MACROD2: variants seen among roughly 807,000 people sequenced by gnomAD.
MACROD2 encodes ADP-ribose glycohydrolase MACROD2.
Under a neutral mutation model 70.4 loss-of-function variants are expected in MACROD2, and 36 were observed. The ratio of observed to expected loss-of-function variants is 0.51; its 90% CI spans 0.39 to 0.68. The LOEUF is 0.68. Ranked by LOEUF, MACROD2 falls within the 30% of genes least tolerant of loss-of-function variation. The probability of loss-of-function intolerance (pLI) is 0.00; values close to 1 mark genes in which losing one functional copy is unlikely to be tolerated. For missense variants in MACROD2, 496 were observed against 538.4 expected (o/e 0.92, Z 0.78); for synonymous variants, 172 against 178.8 (o/e 0.96, Z 0.30).
intron 5 of MACROD2, chr20:14,905,864 C>T (rs1005110323): frequency 6.6e-6 from 1 of 152,208 alleles, no homozygotes; most frequent in Non-Finnish European, 1.5e-5. Flanking sequence ...ACTCCATCAG[C>T]TATGGTGAGA....
At chr20:14,121,037 A>T (rs1489231797) in intron 3 of MACROD2, among the ~76,000 whole-genome samples, 1 of 152,036 alleles carries the variant, frequency 6.6e-6, no homozygotes, top group Admixed American at 6.6e-5. Context: ...GAAGGAAAAA[A>T]CAGTATTTTT....
intron 6 of MACROD2, among the ~76,000 whole-genome samples, chr20:15,323,930 C>T (rs1160059708): frequency 3.3e-5 from 5 of 152,066 alleles, no homozygotes; most frequent in Non-Finnish European, 5.9e-5. Context: ...TCCAGTTCAT[C>T]CCCTTGACTT....
intron 15 of MACROD2, among the ~76,000 whole-genome samples, chr20:15,988,421 GCT>G (rs2066515629): frequency 6.6e-6 from 1 of 152,056 alleles, no homozygotes; most frequent in Non-Finnish European, 1.5e-5. Context: ...GAAATTGTTG[GCT>G]CTGTTTATTG....
At chr20:15,310,614 G>A (rs1046587461) in intron 6 of MACROD2, among the ~76,000 whole-genome samples, 1 of 152,118 alleles carries the variant, frequency 6.6e-6, no homozygotes, top group African/African-American at 2.4e-5. Flanking sequence ...AGGAAGTGAG[G>A]ATTGAGAAAA....
At chr20:14,318,035 TAGCCTTTTCTGGGTATATTC>T (rs1383855849) in intron 3 of MACROD2, among the ~76,000 whole-genome samples, 8 of 152,340 alleles carry the variant, frequency 5.3e-5, no homozygotes, top group African/African-American at 1.7e-4. Flanking sequence ...TTGTTTAATC[TAGCCTTTTCTGGGTATATTC>T]ATTAACATTG....
chr20:15,623,881 A>G (rs1056780105), intron 8 of MACROD2, among the ~76,000 whole-genome samples: 4 of 152,192 alleles, frequency 2.6e-5, no homozygotes, highest in African/African-American at 7.2e-5. Context: ...AAGGAGATGT[A>G]TTAGTCAGGG....
chr20:15,624,901 C>G (rs1047490318), intron 8 of MACROD2, among the ~76,000 whole-genome samples: 1 of 152,186 alleles, frequency 6.6e-6, no homozygotes, highest in African/African-American at 2.4e-5. Context: ...CTACACACCA[C>G]TATTTAGTTC....
At chr20:15,087,131 TTATC>T (rs1442276194) in intron 5 of MACROD2, among the ~76,000 whole-genome samples, 11 of 152,224 alleles carry the variant, frequency 7.2e-5, no homozygotes, top group East Asian at 1.9e-4. Flanking sequence ...TCTCTATCAA[TTATC>T]TATCAGTTAA....
At chr20:15,457,526 C>A (rs549027519) in intron 7 of MACROD2, among the ~76,000 whole-genome samples, 28 of 152,142 alleles carry the variant, frequency 1.8e-4, no homozygotes, top group African/African-American at 6.7e-4. Context: ...GAATGAGGAG[C>A]CTCATTCACT....
chr20:14,902,562 G>A (rs2073907382), intron 5 of MACROD2, among the ~76,000 whole-genome samples: 1 of 152,122 alleles, frequency 6.6e-6, no homozygotes, highest in East Asian at 1.9e-4. Context: ...AGTCAAATTA[G>A]TTCTGTAAGT....
At chr20:15,284,643 G>A (rs970173130) in intron 6 of MACROD2, among the ~76,000 whole-genome samples, 8 of 152,160 alleles carry the variant, frequency 5.3e-5, no homozygotes, top group Admixed American at 4.6e-4. Context: ...GATTATCAGA[G>A]TCCTGGCCCC....
At chr20:14,608,837 G>A (rs1982979356) in intron 4 of MACROD2, among the ~76,000 whole-genome samples, 1 of 152,156 alleles carries the variant, frequency 6.6e-6, no homozygotes, top group African/African-American at 2.4e-5. Flanking sequence ...AATGATCAGG[G>A]AAAATTTCTC....
At chr20:14,700,652 C>T (rs889394897) in intron 5 of MACROD2, among the ~76,000 whole-genome samples, 3 of 152,028 alleles carry the variant, frequency 2.0e-5, no homozygotes, top group African/African-American at 7.2e-5. Flanking sequence ...ATTCTATCCA[C>T]ATTTTGTATA....
At chr20:14,454,849 C>T (rs574849575) in intron 3 of MACROD2, among the ~76,000 whole-genome samples, 4 of 149,310 alleles carry the variant, frequency 2.7e-5, no homozygotes, top group African/African-American at 7.4e-5. Context: ...GCCTCCCGGG[C>T]TCACGCCATT....
chr20:14,879,174 A>G (rs1266341066), intron 5 of MACROD2, among the ~76,000 whole-genome samples: 1 of 152,130 alleles, frequency 6.6e-6, no homozygotes, highest in Admixed American at 6.5e-5. Flanking sequence ...GCAAACACAC[A>G]CTGAATAAAT....
At chr20:15,778,989 A>C (rs2051783414) in intron 8 of MACROD2, among the ~76,000 whole-genome samples, 1 of 152,146 alleles carries the variant, frequency 6.6e-6, no homozygotes, top group Admixed American at 6.5e-5. Flanking sequence ...AAAAGAAAAA[A>C]ATGTAACAAC....
chr20:14,595,627 A>G (rs1465193009), intron 4 of MACROD2, among the ~76,000 whole-genome samples: 1 of 152,198 alleles, frequency 6.6e-6, no homozygotes, highest in African/African-American at 2.4e-5. Context: ...TTGTCAAGAC[A>G]GCTTTGCATG....
chr20:14,809,204 G>A (rs1398082978), intron 5 of MACROD2, among the ~76,000 whole-genome samples: 2 of 151,784 alleles, frequency 1.3e-5, no homozygotes, highest in East Asian at 1.9e-4. Context: ...CCTCAGCAAA[G>A]GCAAAAGAAC....
chr20:16,049,440 C>T (rs1288482978), intron 17 of MACROD2, among the ~76,000 whole-genome samples: 1 of 152,068 alleles, frequency 6.6e-6, no homozygotes, highest in Non-Finnish European at 1.5e-5. Flanking sequence ...ATGACTTTTG[C>T]AAAGCAGCAT....
Sources: allele counts gnomAD v4.1 joint callset (sites outside exome capture counted in the v4.1 genomes callset), GRCh38; gene constraint gnomAD v4.1.1; transcripts MANE v1.5; gene names NCBI Gene and HGNC (gene_info 2026-07-23, HGNC 2026-07-21).